TCF20: variants seen among roughly 807,000 people sequenced by gnomAD.
TCF20 encodes the protein SPRE-binding protein.
A neutral mutation model predicts 148.6 loss-of-function variants in TCF20; 3 were observed. That is an observed-to-expected ratio of 0.02 (90% CI 0.01 to 0.05). The LOEUF (loss-of-function observed/expected upper bound fraction) is 0.05. Among genes scored for constraint, TCF20 ranks in the 10% least tolerant of loss-of-function variants. The pLI is 1.00. For synonymous variants in TCF20, 1,049 were observed against 909.5 expected (o/e 1.15, Z -2.76); for missense variants, 2,350 against 2,429.3 (o/e 0.97, Z 0.69).
intron 1 of TCF20, among the ~76,000 whole-genome samples, chr22:42,221,330 T>C (rs1264172282): frequency 6.6e-6 from 1 of 152,166 alleles, no homozygotes; most frequent in Non-Finnish European, 1.5e-5. Flanking sequence ...AATTCCTGTA[T>C]CAAAACCATT....
In TCF20 at chr22:42,168,743, C is replaced by A; in HGVS notation, c.5800-7G>T. On this transcript the variant is annotated splice_polypyrimidine_tract_variant and splice_region_variant and intron_variant, in intron 4 of 5. Coordinates refer to ENST00000677622, the MANE Select transcript of TCF20 (RefSeq NM_001378418.1). ...GAGGGCACGGAAGGGGAGGCTGACA[C>A]GGGCAAAACCAAGAGGAGACAGACA... 3 of 1,604,838 alleles carry A rather than the reference C, an allele frequency of 1.9e-6. No individual in the cohort carries two copies. Among genetic ancestry groups the A allele is most frequent in the Non-Finnish European group, 2.6e-6 (3 of 1,175,946 alleles).
At chr22:42,253,340 G>C (rs565235847) in intron 1 of TCF20, among the ~76,000 whole-genome samples, 79 of 152,014 alleles carry the variant, frequency 5.2e-4, no homozygotes, top group African/African-American at 1.9e-3. Context: ...ATTTCCTAAC[G>C]AATCACTAAG....
chr22:42,238,419 G>A (rs764211829), intron 1 of TCF20, among the ~76,000 whole-genome samples: 3 of 152,162 alleles, frequency 2.0e-5, no homozygotes, highest in Non-Finnish European at 4.4e-5. Flanking sequence ...AAGCTGTTTC[G>A]TTTTCTTCTC....
chr22:42,193,473 A>AG, intron 2 of TCF20, among the ~76,000 whole-genome samples: 1 of 152,012 alleles, frequency 6.6e-6, no homozygotes, highest in South Asian at 2.1e-4. Flanking sequence ...CTGGGACCAC[A>AG]GGTGCATACC....
At chr22:42,307,390 GCT>G (rs1927454985) in intron 1 of TCF20, among the ~76,000 whole-genome samples, 1 of 152,222 alleles carries the variant, frequency 6.6e-6, no homozygotes, top group Admixed American at 6.5e-5. Flanking sequence ...TGGAGCCACT[GCT>G]CTGATTCCCC....
chr22:42,236,206 A>G (rs1000023943), intron 1 of TCF20, among the ~76,000 whole-genome samples: 2 of 152,290 alleles, frequency 1.3e-5, no homozygotes, highest in South Asian at 2.1e-4. Context: ...AAACAAAAAA[A>G]CAAGTAAAAG....
At chr22:42,184,291 AC>A (rs1322456012) in intron 2 of TCF20, among the ~76,000 whole-genome samples, 2 of 152,144 alleles carry the variant, frequency 1.3e-5, no homozygotes. Context: ...TTTCTTCTGA[AC>A]CCCAAGTTCA....
chr22:42,215,549 C>T (rs1921680503), intron 1 of TCF20: 11 of 571,716 alleles, frequency 1.9e-5, no homozygotes, highest in Non-Finnish European at 2.9e-5. Context: ...CAGCTCAATG[C>T]AACTTCTGCC....
chr22:42,277,319 GT>G (rs1926801915), intron 1 of TCF20, among the ~76,000 whole-genome samples: 1 of 152,222 alleles, frequency 6.6e-6, no homozygotes, highest in African/African-American at 2.4e-5. Flanking sequence ...TGGTCATGAA[GT>G]TTATGGTGCC....
In TCF20 at chr22:42,182,653, A is replaced by G. The variant is rs144478622; in HGVS notation, c.5656-2951T>C. Reference sequence around the variant, plus strand: ...GACTTAGAGAAAGATCCTTAAAGACAGTTTAGTTCAGTGGTTTTTGAAGTG... The same window carrying G: ...GACTTAGAGAAAGATCCTTAAAGACGGTTTAGTTCAGTGGTTTTTGAAGTG... On this transcript the variant is annotated intron_variant, in intron 2 of 5. Transcript: ENST00000677622. 4.0e-3 allele frequency among the ~76,000 whole-genome samples: 604 copies of G among 152,332 alleles called. 1 individual carries two copies. The highest frequency in any genetic ancestry group is 6.9e-3 in the Non-Finnish European group (472 of 68,024).
chr22:42,165,457 T>A (rs1051758133), intron 5 of TCF20, among the ~76,000 whole-genome samples: 2 of 152,168 alleles, frequency 1.3e-5, no homozygotes, highest in Non-Finnish European at 2.9e-5. Flanking sequence ...GTATAGGGAC[T>A]CCACTGTCAA....
chr22:42,163,742 C>A (rs1935605198), intron 5 of TCF20, among the ~76,000 whole-genome samples: 1 of 152,180 alleles, frequency 6.6e-6, no homozygotes, highest in African/African-American at 2.4e-5. Flanking sequence ...GCCCTGGTGC[C>A]AGCCAGCCTG....
rs776693293 is a variant in TCF20 at position 42,212,604 on chromosome 22, T to C, written c.2702A>G (p.Asn901Ser). ...DTRIGRNDRL[N>S]PTLSQSVILP... ...AATGACCGACTGACTTAAAGTTGGATTGAGACGGTCATTCCTCCCAATTCT... is the reference window on the plus strand; with the variant it reads ...AATGACCGACTGACTTAAAGTTGGACTGAGACGGTCATTCCTCCCAATTCT... Residue 901 changes from asparagine to serine, a missense_variant, in exon 2 of 6, where the codon AAT becomes AGT. Asn to Ser is a conservative substitution (Grantham distance 46). This residue lies in a region of TCF20 where 1,641 missense variants were observed against 1,662.6 expected (regional missense o/e 0.99). Coordinates refer to ENST00000677622, the MANE Select transcript of TCF20 (RefSeq NM_001378418.1). 2.5e-6 allele frequency: 4 copies of C among 1,614,178 alleles called. No homozygotes were observed. The highest frequency in any genetic ancestry group is 1.1e-5 in the South Asian group (1 of 91,088).
At position 42,225,637 on chromosome 22, in the gene TCF20, A is replaced by AT. The variant is rs1922821203; in HGVS notation, c.-36-10297_-36-10296insA. 2.0e-5 allele frequency among the ~76,000 whole-genome samples: 3 copies of AT among 151,886 alleles called. No homozygotes were observed. In the South Asian group the frequency reaches 6.2e-4, roughly 32 times the overall value. On this transcript the variant is annotated intron_variant, in intron 1 of 5. Transcript: ENST00000677622. ...CTCCGTCTCAAAAAAAAAAAAAAAA[A>AT]AAAAATTACAACCCTTGAACTATCT...
chr22:42,173,481 T>C (rs949235201), intron 3 of TCF20, among the ~76,000 whole-genome samples: 1 of 151,628 alleles, frequency 6.6e-6, no homozygotes, highest in Non-Finnish European at 1.5e-5. Flanking sequence ...AACAGCTCTT[T>C]AAAGATCTGG....
intron 2 of TCF20, among the ~76,000 whole-genome samples, chr22:42,194,902 C>T (rs1417189532): frequency 1.3e-5 from 2 of 151,814 alleles, no homozygotes; most frequent in Non-Finnish European, 2.9e-5. Context: ...CTTCTCCACA[C>T]TTACACAGAC....
chr22:42,275,230 ATATATTAAG>A (rs1173131562), upstream of TCF20: 1 of 152,298 alleles, frequency 6.6e-6, no homozygotes, highest in Non-Finnish European at 1.5e-5. Context: ...TCCAGCAGTC[ATATATTAAG>A]CCCTGGACAC....
chr22:42,331,685 G>A (rs1022263783), intron 1 of TCF20, among the ~76,000 whole-genome samples: 3 of 152,264 alleles, frequency 2.0e-5, no homozygotes, highest in Non-Finnish European at 4.4e-5. Context: ...CTCTGATGGT[G>A]CAGGTGTGGA....
chr22:42,275,507 G>A (rs141521211), upstream of TCF20, among the ~76,000 whole-genome samples: 1 of 152,348 alleles, frequency 6.6e-6, no homozygotes, highest in African/African-American at 2.4e-5. Flanking sequence ...GCTGGCGCCA[G>A]CCTGGTCTCA....
Sources: gnomAD v4.1 joint callset for allele counts (sites outside exome capture counted in the v4.1 genomes callset) on GRCh38, gnomAD v4.1.1 for gene constraint, gnomAD v4.1.1 regional missense constraint, MANE v1.5 for transcripts, NCBI Gene and HGNC (gene_info 2026-07-23, HGNC 2026-07-21) for gene names.